ADK: variants seen among roughly 807,000 people sequenced by gnomAD.
ADK encodes the protein adenosine kinase, also known as N6,N6-dimethyladenosine kinase.
Under a neutral mutation model 44.7 loss-of-function variants are expected in ADK, and 24 were observed. The observed-to-expected ratio is 0.54, with a 90% CI of 0.39 to 0.76. The LOEUF (loss-of-function observed/expected upper bound fraction) is 0.76. Among genes scored for constraint, ADK ranks in the 30% least tolerant of loss-of-function variants. The pLI is 0.00. For synonymous variants in ADK, 128 were observed against 142.6 expected, an observed-to-expected ratio of 0.90 and a Z score of 0.73; for missense variants, 321 against 425.1, an observed-to-expected ratio of 0.76 and a Z score of 2.15.
chr10:74,510,659 C>A (rs1175969468), intron 6 of ADK, among the ~76,000 whole-genome samples: 2 of 152,106 alleles, frequency 1.3e-5, no homozygotes, highest in Admixed American at 1.3e-4. Context: ...TAAAGCATTT[C>A]ACCTGTGTTT....
chr10:74,589,448 G>T, intron 8 of ADK, 131 bp downstream of exon 8: 1 of 938,292 alleles, frequency 1.1e-6, no homozygotes, highest in South Asian at 1.4e-5. Context: ...ATGGAAACTT[G>T]GCAGTCGTCA....
intron 6 of ADK, among the ~76,000 whole-genome samples, chr10:74,444,719 A>T (rs1381029540): frequency 6.6e-6 from 1 of 151,990 alleles, no homozygotes; most frequent in Non-Finnish European, 1.5e-5. Context: ...AGAGTTAAGG[A>T]GTTTAAATTC....
intron 10 of ADK, among the ~76,000 whole-genome samples, chr10:74,706,149 C>T (rs1427334612): frequency 1.3e-5 from 2 of 152,084 alleles, no homozygotes; most frequent in African/African-American, 2.4e-5. Flanking sequence ...ACCTGAGCAT[C>T]TCTACAAAAA....
chr10:74,567,823 T>C (rs1463353825), intron 7 of ADK, among the ~76,000 whole-genome samples: 1 of 151,008 alleles, frequency 6.6e-6, no homozygotes, highest in Non-Finnish European at 1.5e-5. Context: ...CTCAGCCTCC[T>C]GAGTAGTTAG....
intron 6 of ADK, among the ~76,000 whole-genome samples, chr10:74,517,142 C>T (rs1475521096): frequency 6.6e-6 from 1 of 152,072 alleles, no homozygotes; most frequent in South Asian, 2.1e-4. Context: ...GAACACAGAG[C>T]CAAACCATAT....
intron 3 of ADK, among the ~76,000 whole-genome samples, chr10:74,282,841 T>G (rs936351252): frequency 1.3e-5 from 2 of 152,216 alleles, no homozygotes. Context: ...TCTTTTGCTG[T>G]TAATTTTGTC....
chr10:74,348,859 G>C (rs1267551208), intron 4 of ADK, among the ~76,000 whole-genome samples: 1 of 150,114 alleles, frequency 6.7e-6, no homozygotes, highest in Non-Finnish European at 1.5e-5. Context: ...GACAAGATTA[G>C]AGAAAAAAAA....
chr10:74,188,174 C>G (rs1165274878), intron 1 of ADK, among the ~76,000 whole-genome samples: 1 of 151,832 alleles, frequency 6.6e-6, no homozygotes, highest in Non-Finnish European at 1.5e-5. Flanking sequence ...ATAAAATTTC[C>G]TAATATTCTG....
intron 10 of ADK, among the ~76,000 whole-genome samples, chr10:74,692,583 A>C (rs1403674507): frequency 6.6e-6 from 1 of 152,222 alleles, no homozygotes; most frequent in Non-Finnish European, 1.5e-5. Context: ...GCAGTCTTAA[A>C]GGCTACATAC....
chr10:74,529,457 A>C (rs1485737275), intron 7 of ADK: 1 of 152,156 alleles, frequency 6.6e-6, no homozygotes, highest in African/African-American at 2.4e-5. Context: ...GTTGCGCCAC[A>C]CTGTGAATGT....
At chr10:74,651,128 T>G (rs74537038) in intron 9 of ADK, among the ~76,000 whole-genome samples, 1 of 152,106 alleles carries the variant, frequency 6.6e-6, no homozygotes, top group East Asian at 1.9e-4. Flanking sequence ...AGGGATAGTT[T>G]AGAACCAGTT....
intron 7 of ADK, among the ~76,000 whole-genome samples, chr10:74,531,082 T>A (rs971664529): frequency 2.0e-5 from 3 of 152,062 alleles, no homozygotes; most frequent in Admixed American, 6.5e-5. Flanking sequence ...ATTTGCAGAA[T>A]CCCAACAAGT....
chr10:74,690,230 C>T lies in ADK; in HGVS notation c.965-18091C>T, dbSNP rs1205975582. Among the ~76,000 whole-genome samples the T allele has an allele frequency of 2.0e-5, 3 of 152,212 alleles. No homozygotes were observed. The East Asian group carries it at 5.8e-4, about 29-fold the overall frequency. On this transcript the variant is annotated intron_variant, in intron 10 of 10. Transcript: ENST00000539909. ...CCAAATCAGGCTGGGTGTGGTGGCTCACACCTGTAATCCCAGCAATTTGGG... is the reference window on the plus strand; with the variant it reads ...CCAAATCAGGCTGGGTGTGGTGGCTTACACCTGTAATCCCAGCAATTTGGG...
intron 2 of ADK, among the ~76,000 whole-genome samples, chr10:74,212,825 G>T (rs890592017): frequency 8.6e-3 from 1 of 116 alleles, no homozygotes; most frequent in Non-Finnish European, 0.023. Flanking sequence ...ATGATAGAAT[G>T]GTTGGGAAGA....
intron 3 of ADK, among the ~76,000 whole-genome samples, chr10:74,243,022 C>G (rs1039926765): frequency 6.6e-6 from 1 of 152,210 alleles, no homozygotes; most frequent in Non-Finnish European, 1.5e-5. Context: ...ACTCAGAACC[C>G]ACGGAGTGCA....
intron 1 of ADK, among the ~76,000 whole-genome samples, chr10:74,198,243 C>T (rs1001268991): frequency 6.6e-6 from 1 of 152,128 alleles, no homozygotes; most frequent in African/African-American, 2.4e-5. Context: ...GATCCTTCAC[C>T]TTCTAAGCAC....
chr10:74,695,608 TGTATGTGTGGG>T (rs1252464397), intron 10 of ADK, among the ~76,000 whole-genome samples: 26 of 63,182 alleles, frequency 4.1e-4, no homozygotes, highest in Middle Eastern at 9.8e-3. Flanking sequence ...ACAATTCCTG[TGTATGTGTGGG>T]GTGTGTGTGT....
chr10:74,403,910 C>G (rs1408676752), intron 6 of ADK, among the ~76,000 whole-genome samples: 1 of 152,112 alleles, frequency 6.6e-6, no homozygotes, highest in Admixed American at 6.5e-5. Context: ...CTTGCTGTGT[C>G]ATCCAGGCTG....
intron 3 of ADK, among the ~76,000 whole-genome samples, chr10:74,293,011 C>T (rs12261108): frequency 6.6e-6 from 1 of 151,792 alleles, no homozygotes; most frequent in South Asian, 2.1e-4. Flanking sequence ...AACACCATCT[C>T]TACAAAACTA....
Sources: allele counts gnomAD v4.1 joint callset (sites outside exome capture counted in the v4.1 genomes callset), GRCh38; gene constraint gnomAD v4.1.1; transcripts MANE v1.5; gene names NCBI Gene and HGNC (gene_info 2026-07-23, HGNC 2026-07-21).